KCNQ1: variants seen among roughly 807,000 people sequenced by gnomAD.
KCNQ1 encodes potassium voltage-gated channel subfamily Q member 1, also known as potassium voltage-gated channel subfamily KQT member 1.
A neutral mutation model predicts 72.4 loss-of-function variants in KCNQ1; 49 were observed. The observed-to-expected ratio is 0.68, with a 90% CI of 0.54 to 0.86. The LOEUF is 0.86. Among genes scored for constraint, KCNQ1 ranks in the 40% least tolerant of loss-of-function variants. The pLI is 0.00. For synonymous variants in KCNQ1, 450 were observed against 412.6 expected, an observed-to-expected ratio of 1.09 and a Z score of -1.10; for missense variants, 790 against 945.1, an observed-to-expected ratio of 0.84 and a Z score of 2.15.
intron 15 of KCNQ1, among the ~76,000 whole-genome samples, chr11:2,812,742 G>A (rs1847517736): frequency 6.6e-6 from 1 of 152,146 alleles, no homozygotes; most frequent in Non-Finnish European, 1.5e-5. Context: ...CCATGGCCGT[G>A]GGCCCCACGC....
At position 2,713,373 on chromosome 11, in the gene KCNQ1, A is replaced by G. The variant is rs1426937486; in HGVS notation, c.1514+51292A>G. On this transcript the variant is annotated intron_variant, in intron 11 of 15. Transcript: ENST00000155840. This position sits in a 1 kb window ranked among gnomAD's most constrained non-coding sequence, Gnocchi z 5.6. Reference sequence around the variant, plus strand: ...AGTCATCTTTTCCGCTGTGGTTTTTATTGTTTTATTTTATTATTCCAGCTA... The same window carrying G: ...AGTCATCTTTTCCGCTGTGGTTTTTGTTGTTTTATTTTATTATTCCAGCTA... 3.9e-5 allele frequency among the ~76,000 whole-genome samples: 6 copies of G among 151,964 alleles called. No homozygotes were observed. Among genetic ancestry groups the G allele is most frequent in the Non-Finnish European group, 7.4e-5 (5 of 67,990 alleles).
rs141046644 is a variant in KCNQ1, at chr11:2,762,743, T to G, written c.1515-6101T>G. Among the ~76,000 whole-genome samples, 858 of 152,340 alleles carry G rather than the reference T, an allele frequency of 5.6e-3. 7 individuals carry two copies. The highest frequency in any genetic ancestry group is 0.02 in the African/African-American group (814 of 41,582). The stretch of plus-strand genomic sequence containing the variant: ...GTGAGGGGTCTAGGCTGTGTACTCC[T>G]TATGAGAATCTAATGCCTGCTGGTC... On this transcript the variant is annotated intron_variant, in intron 11 of 15. Coordinates refer to ENST00000155840, the MANE Select transcript of KCNQ1 (RefSeq NM_000218.3). The surrounding 1 kb of genome is among the most constrained non-coding windows in gnomAD (Gnocchi z 4.3).
In KCNQ1 at chr11:2,653,141, T is replaced by G; in HGVS notation, c.1394-8820T>G. The G allele has an allele frequency of 2.5e-6, 1 of 398,708 alleles. No individual in the cohort carries two copies. Among genetic ancestry groups the G allele is most frequent in the Non-Finnish European group, 4.4e-6 (1 of 226,110 alleles). The allele number at this position is 398,708 out of a possible 1,614,324, so 24.7% of individuals were successfully genotyped here. On this transcript the variant is annotated intron_variant, in intron 10 of 15. Transcript: ENST00000155840. This position sits in a 1 kb window ranked among gnomAD's most constrained non-coding sequence, Gnocchi z 5.3. Reference sequence around the variant, plus strand: ...GAGATGAGGACTTGCATCACAGCAGTAGAAAGCCAATGTCCCACCTTAGGA... The same window carrying G: ...GAGATGAGGACTTGCATCACAGCAGGAGAAAGCCAATGTCCCACCTTAGGA...
intron 1 of KCNQ1, among the ~76,000 whole-genome samples, chr11:2,512,969 G>A (rs764555164): frequency 2.6e-5 from 4 of 152,186 alleles, no homozygotes; most frequent in Non-Finnish European, 4.4e-5. Flanking sequence ...GAAGGCAGTG[G>A]ACCCTGGAGC....
chr11:2,747,780 G>A (rs564228712), intron 11 of KCNQ1, among the ~76,000 whole-genome samples: 3 of 152,226 alleles, frequency 2.0e-5, no homozygotes, highest in East Asian at 1.9e-4. Context: ...GGGTCATGGG[G>A]GCAGGTTCCA....
chr11:2,579,234 C>T lies in KCNQ1; in HGVS notation c.922-4201C>T, dbSNP rs1335426560. 1.3e-5 allele frequency among the ~76,000 whole-genome samples: 2 copies of T among 152,188 alleles called. No homozygotes were observed. Among genetic ancestry groups the T allele is most frequent in the African/African-American group, 2.4e-5 (1 of 41,460 alleles). ...CTTCTGAAAGGAGGGAATAGAATCC[C>T]AGTGTTTCTCAGGGAGGAACATGGG... On this transcript the variant is annotated intron_variant, in intron 6 of 15. Transcript: ENST00000155840. This position sits in a 1 kb window ranked among gnomAD's most constrained non-coding sequence, Gnocchi z 6.0.
chr11:2,502,781 A>G (rs532724943), intron 1 of KCNQ1, among the ~76,000 whole-genome samples: 14 of 152,236 alleles, frequency 9.2e-5, no homozygotes, highest in Admixed American at 3.9e-4. Flanking sequence ...CTGAGTTCAA[A>G]TTATACTACA....
rs1392593403 is a variant in KCNQ1 at position 2,566,796 on chromosome 11, G to A, written c.478-3832G>A. ...CAGGCACCACATAGATCTTGTGAGAGGCGCTTTGTGGGGCTGGATGATCCT... is the reference window on the plus strand; with the variant it reads ...CAGGCACCACATAGATCTTGTGAGAAGCGCTTTGTGGGGCTGGATGATCCT... On this transcript the variant is annotated intron_variant, in intron 2 of 15. Coordinates refer to ENST00000155840, the MANE Select transcript of KCNQ1 (RefSeq NM_000218.3). The surrounding 1 kb of genome is among the most constrained non-coding windows in gnomAD (Gnocchi z 6.7). 6.6e-6 allele frequency among the ~76,000 whole-genome samples: 1 copy of A among 152,156 alleles called. No homozygotes were observed. Among genetic ancestry groups the A allele is most frequent in the African/African-American group, 2.4e-5 (1 of 41,430 alleles).
At chr11:2,692,735 T>C (rs931201155) in intron 11 of KCNQ1, 30 of 398,564 alleles carry the variant, frequency 7.5e-5, no homozygotes, top group Non-Finnish European at 2.7e-5. Context: ...CCTGCTCCTA[T>C]CAAATCCCTC....
chr11:2,845,608 C>T (rs1296206137), intron 15 of KCNQ1, among the ~76,000 whole-genome samples: 3 of 152,196 alleles, frequency 2.0e-5, no homozygotes, highest in Non-Finnish European at 2.9e-5. Flanking sequence ...TGGCCTGGAC[C>T]GTCAGACCTC....
In KCNQ1 at chr11:2,715,734, C is replaced by T. The variant is rs1320754794; in HGVS notation, c.1515-53110C>T. Among the ~76,000 whole-genome samples, 1 of 152,218 alleles carries T rather than the reference C, an allele frequency of 6.6e-6. No homozygotes were observed. Among genetic ancestry groups the T allele is most frequent in the East Asian group, 1.9e-4 (1 of 5,192 alleles). ...CCCTCTGGGGCACCCTCATATCACA[C>T]CCTGTCCCTCTGGCCACATTCCAGC... is the stretch of plus-strand genomic sequence containing the variant. On this transcript the variant is annotated intron_variant, in intron 11 of 15. Transcript: ENST00000155840. The surrounding 1 kb of genome is among the most constrained non-coding windows in gnomAD (Gnocchi z 4.9).
rs1409083285 is a variant in KCNQ1, at chr11:2,477,178, G to A, written c.386+31694G>A. ...CAGCTGACGGTGAACACATTGGCAG[G>A]TGAGATATGTGGAGACATGGCACGT... On this transcript the variant is annotated intron_variant, in intron 1 of 15. Coordinates refer to ENST00000155840, the MANE Select transcript of KCNQ1 (RefSeq NM_000218.3). The surrounding 1 kb of genome is among the most constrained non-coding windows in gnomAD (Gnocchi z 5.0). Among the ~76,000 whole-genome samples the A allele has an allele frequency of 6.6e-6, 1 of 152,214 alleles. No homozygotes were observed. Among genetic ancestry groups the A allele is most frequent in the Non-Finnish European group, 1.5e-5 (1 of 68,046 alleles).
chr11:2,808,117 C>T lies in KCNQ1; in HGVS notation c.1794+30080C>T, dbSNP rs1847416130. Among the ~76,000 whole-genome samples, 1 of 152,216 alleles carries T rather than the reference C, an allele frequency of 6.6e-6. No individual in the cohort carries two copies. Among genetic ancestry groups the T allele is most frequent in the Non-Finnish European group, 1.5e-5 (1 of 68,044 alleles). On this transcript the variant is annotated intron_variant, in intron 15 of 15. Coordinates refer to ENST00000155840, the MANE Select transcript of KCNQ1 (RefSeq NM_000218.3). The surrounding 1 kb of genome is among the most constrained non-coding windows in gnomAD (Gnocchi z 6.0). ...CTCTCATGGACACCACTGTGGGCAC[C>T]ACTTGGGCACCCTGTGGGCTTATTT...
intron 11 of KCNQ1, chr11:2,699,738 C>T (rs443572): frequency 2.6e-5 from 10 of 383,444 alleles, no homozygotes; most frequent in Non-Finnish European, 4.6e-5. Flanking sequence ...AGAACTGCGC[C>T]GAGGAGCCCC....
intron 7 of KCNQ1, 127 bp from the exon 8 acceptor site, chr11:2,585,085 T>G: frequency 2.4e-6 from 2 of 832,324 alleles, no homozygotes; most frequent in South Asian, 1.4e-5. Flanking sequence ...GAGGTGGGAC[T>G]TGGGGGGGCT....
Position 2,642,795 on chromosome 11 carries a change from T to C in KCNQ1, c.1394-19166T>C. The C allele has an allele frequency of 2.5e-6, 1 of 397,862 alleles. No homozygotes were observed. Among genetic ancestry groups the C allele is most frequent in the Non-Finnish European group, 4.4e-6 (1 of 225,656 alleles). 24.6% of individuals were successfully genotyped at this position (397,862 alleles called of 1,614,324 possible). A position where few individuals can be genotyped will look rare whatever the true frequency, so the allele number is the denominator to read the frequency against. Reference sequence around the variant, plus strand: ...TTTTCTACCTTTTTTAATGGAGGCATTTATTACAATAAACTTTCCTCTTAG... The same window carrying C: ...TTTTCTACCTTTTTTAATGGAGGCACTTATTACAATAAACTTTCCTCTTAG... On this transcript the variant is annotated intron_variant, in intron 10 of 15. Coordinates refer to ENST00000155840, the MANE Select transcript of KCNQ1 (RefSeq NM_000218.3). This position sits in a 1 kb window ranked among gnomAD's most constrained non-coding sequence, Gnocchi z 4.3.
Position 2,608,512 on chromosome 11 carries a change from G to T in KCNQ1, c.1393+19658G>T, listed in dbSNP as rs964245510. The T allele has an allele frequency of 2.5e-6, 1 of 398,208 alleles. No individual in the cohort carries two copies. Among genetic ancestry groups the T allele is most frequent in the African/African-American group, 2.1e-5 (1 of 48,518 alleles). The allele number at this position is 398,208 out of a possible 1,614,324, so 24.7% of individuals were successfully genotyped here. On this transcript the variant is annotated intron_variant, in intron 10 of 15. Transcript: ENST00000155840. The surrounding 1 kb of genome is among the most constrained non-coding windows in gnomAD (Gnocchi z 4.6). The stretch of plus-strand genomic sequence containing the variant: ...TTTTTGAGAAACAGAGTCTCTCTCT[G>T]TTGCCCAGGCTGGAATAGAGTGGTG...
chr11:2,535,948 G>A (rs962539952), intron 2 of KCNQ1, among the ~76,000 whole-genome samples: 53 of 152,332 alleles, frequency 3.5e-4, no homozygotes, highest in African/African-American at 1.3e-3. Flanking sequence ...GGGCAGGGGC[G>A]CTGCTGAAGC....
intron 1 of KCNQ1, among the ~76,000 whole-genome samples, chr11:2,518,413 A>T (rs1055345340): frequency 3.7e-4 from 57 of 152,128 alleles, no homozygotes; most frequent in Admixed American, 3.3e-3. Flanking sequence ...AGTGGGCTGC[A>T]GTTGGGGTGC....
Sources: gnomAD v4.1 joint callset for allele counts (sites outside exome capture counted in the v4.1 genomes callset) on GRCh38, gnomAD v4.1.1 for gene constraint, Gnocchi (gnomAD v3.1) non-coding constraint, MANE v1.5 for transcripts, NCBI Gene and HGNC (gene_info 2026-07-23, HGNC 2026-07-21) for gene names.